MAST2: variants seen among roughly 807,000 people sequenced by gnomAD.
MAST2 encodes the protein microtubule associated serine/threonine kinase 2.
Under a neutral mutation model 147.4 loss-of-function variants are expected in MAST2, and 70 were observed. The ratio of observed to expected loss-of-function variants is 0.47; its 90% CI spans 0.39 to 0.58. The LOEUF is 0.58. Among genes scored for constraint, MAST2 ranks in the 20% least tolerant of loss-of-function variants. MAST2 has a pLI of 0.00. For missense variants in MAST2, 2,080 were observed against 2,302.3 expected (o/e 0.90, Z 1.98); for synonymous variants, 869 against 896.8 (o/e 0.97, Z 0.55).
intron 4 of MAST2, among the ~76,000 whole-genome samples, chr1:45,912,445 T>A (rs1042511947): frequency 6.6e-6 from 1 of 152,266 alleles, no homozygotes; most frequent in Non-Finnish European, 1.5e-5. Flanking sequence ...TTTGTATATG[T>A]ACTTTTTGTG....
chr1:45,884,327 C>A, intron 4 of MAST2, among the ~76,000 whole-genome samples: 1 of 152,038 alleles, frequency 6.6e-6, no homozygotes, highest in Admixed American at 6.6e-5. Flanking sequence ...GTAGGTGGAT[C>A]ACCTGAGGTC....
At chr1:45,984,080 A>T (rs1644518569) in intron 5 of MAST2, among the ~76,000 whole-genome samples, 1 of 152,224 alleles carries the variant, frequency 6.6e-6, no homozygotes, top group African/African-American at 2.4e-5. Flanking sequence ...CTAATCTTCC[A>T]AAAGAAAGGT....
chr1:45,969,631 T>A (rs987558749), intron 5 of MAST2, among the ~76,000 whole-genome samples: 1 of 151,580 alleles, frequency 6.6e-6, no homozygotes, highest in African/African-American at 2.4e-5. Context: ...TCTGTCACTG[T>A]CTCCCATGAC....
chr1:46,035,990 G>A lies in MAST2; in HGVS notation c.5321G>A (p.Arg1774Lys). ...LTQKSEPSLRRGQEPGGHQKH... is the reference protein window; with the variant it reads ...LTQKSEPSLRKGQEPGGHQKH... The stretch of plus-strand genomic sequence containing the variant: ...CAGAAGTCTGAGCCCAGCCTCAGGA[G>A]GGGCCAAGAACCAGGGGGCCATCAA... The change falls in exon 29 of 29, where the codon AGG becomes AAG. Residue 1774 changes from arginine to lysine, a missense_variant. Physicochemically the swap from Arg to Lys is conservative, Grantham distance 26. Coordinates refer to ENST00000361297, the MANE Select transcript of MAST2 (RefSeq NM_015112.3). The surrounding 1 kb of genome is among the most constrained non-coding windows in gnomAD (Gnocchi z 5.5). The A allele has an allele frequency of 1.2e-6, 2 of 1,613,864 alleles. No individual in the cohort carries two copies. The highest frequency in any genetic ancestry group is 1.7e-6 in the Non-Finnish European group (2 of 1,180,030).
At chr1:45,988,435 T>C (rs1215356830) in intron 5 of MAST2, among the ~76,000 whole-genome samples, 1 of 152,244 alleles carries the variant, frequency 6.6e-6, no homozygotes, top group African/African-American at 2.4e-5. Flanking sequence ...TTCTATTTCA[T>C]TGTAGTCAGA....
At chr1:45,841,527 A>G (rs1645275795) in intron 3 of MAST2, among the ~76,000 whole-genome samples, 3 of 152,094 alleles carry the variant, frequency 2.0e-5, no homozygotes, top group Admixed American at 2.0e-4. Flanking sequence ...CTGGGACCAC[A>G]GGTGGATGCC....
intron 4 of MAST2, among the ~76,000 whole-genome samples, chr1:45,930,386 T>TG (rs1557922736): frequency 2.9e-5 from 3 of 104,042 alleles, no homozygotes; most frequent in East Asian, 2.7e-4. Context: ...GCCTGTTTTT[T>TG]GTTTTTTTTG....
At chr1:46,009,626 T>C (rs1645633554) in intron 9 of MAST2, among the ~76,000 whole-genome samples, 1 of 152,208 alleles carries the variant, frequency 6.6e-6, no homozygotes, top group South Asian at 2.1e-4. Context: ...GTCCTCCTCC[T>C]CCTTGTATGT....
chr1:45,938,720 C>T (rs934516680), intron 4 of MAST2, among the ~76,000 whole-genome samples: 1 of 152,230 alleles, frequency 6.6e-6, no homozygotes, highest in African/African-American at 2.4e-5. Context: ...TTCTCACCAG[C>T]ACTAATTACT....
chr1:45,817,162 T>C (rs1229903313), intron 1 of MAST2, among the ~76,000 whole-genome samples: 1 of 152,166 alleles, frequency 6.6e-6, no homozygotes, highest in African/African-American at 2.4e-5. Flanking sequence ...GTAGAAAGTT[T>C]ATCGAAATGA....
intron 3 of MAST2, among the ~76,000 whole-genome samples, chr1:45,853,464 C>G (rs1180125467): frequency 6.6e-6 from 1 of 151,938 alleles, no homozygotes; most frequent in Non-Finnish European, 1.5e-5. Context: ...AAGTGATTCT[C>G]CTGCCCAGCC....
chr1:45,933,782 G>A (rs925746968), intron 4 of MAST2, among the ~76,000 whole-genome samples: 5 of 151,856 alleles, frequency 3.3e-5, no homozygotes, highest in African/African-American at 1.2e-4. Context: ...TGAGAACTCT[G>A]ACCCCCCATT....
chr1:45,969,085 C>T (rs1179637117), intron 5 of MAST2, among the ~76,000 whole-genome samples: 1 of 152,050 alleles, frequency 6.6e-6, no homozygotes, highest in Non-Finnish European at 1.5e-5. Flanking sequence ...TCTGTTCTTG[C>T]GTGTTGTCTA....
chr1:45,976,495 C>A (rs982894921), intron 5 of MAST2, among the ~76,000 whole-genome samples: 1 of 151,992 alleles, frequency 6.6e-6, no homozygotes, highest in African/African-American at 2.4e-5. Flanking sequence ...TACTCAGGGG[C>A]CACAACATGT....
rs1174988856 is a variant in MAST2 at position 46,033,867 on chromosome 1, T to A, written c.3603T>A (p.Ala1201=). 6.2e-7 allele frequency: 1 copy of A among 1,614,072 alleles called. No homozygotes were observed. Among genetic ancestry groups the A allele is most frequent in the Non-Finnish European group, 8.5e-7 (1 of 1,180,006 alleles). ...ACACATCCATTAAAGTGGGGCCAGC[T>A]CGGAAGGGCAGCTACAAGGCCAAGA... is the stretch of plus-strand genomic sequence containing the variant. ...LENTSIKVGP[A]RKGSYKAKMA... The change falls in exon 27 of 29, where the codon GCT becomes GCA. Residue 1201 remains alanine (A), a synonymous_variant. Transcript: ENST00000361297.
intron 7 of MAST2, among the ~76,000 whole-genome samples, chr1:46,005,461 T>G (rs1368487357): frequency 6.6e-6 from 1 of 152,046 alleles, no homozygotes; most frequent in Non-Finnish European, 1.5e-5. Context: ...TGTCAGGTAA[T>G]GGAGGGGGGA....
intron 8 of MAST2, among the ~76,000 whole-genome samples, chr1:46,007,278 C>T (rs1645525514): frequency 6.6e-6 from 1 of 152,142 alleles, no homozygotes; most frequent in Non-Finnish European, 1.5e-5. Flanking sequence ...GTAATGCTGG[C>T]ACTGCACCAG....
At chr1:46,025,445 T>C (rs550178202) in intron 15 of MAST2, among the ~76,000 whole-genome samples, 8 of 152,146 alleles carry the variant, frequency 5.3e-5, no homozygotes, top group African/African-American at 1.9e-4. Context: ...CCACAACACA[T>C]GGGAATTATG....
At chr1:46,006,180 C>T (rs1007867577) in intron 7 of MAST2, 61 bp from the exon 8 acceptor site, 1 of 1,489,494 alleles carries the variant, frequency 6.7e-7, no homozygotes, top group Non-Finnish European at 9.1e-7. Flanking sequence ...CAGTCCTTCC[C>T]CATTCTTGGA....
Sources: allele counts gnomAD v4.1 joint callset (sites outside exome capture counted in the v4.1 genomes callset), GRCh38; gene constraint gnomAD v4.1.1; non-coding constraint Gnocchi (gnomAD v3.1); transcripts MANE v1.5; gene names NCBI Gene and HGNC (gene_info 2026-07-23, HGNC 2026-07-21).